The following ATP13A4 variants were observed in gnomAD, a reference collection of about 807,000 sequenced individuals.
The protein encoded by ATP13A4 is probable cation-transporting ATPase 13A4.
Under a neutral mutation model 142.5 loss-of-function variants are expected in ATP13A4, and 114 were observed. That is an observed-to-expected ratio of 0.80 (90% CI 0.69 to 0.93). The LOEUF is 0.93. ATP13A4 is among the 40% of genes least tolerant of loss of function. The pLI, the probability that ATP13A4 is intolerant of heterozygous loss-of-function variation, is 0.00. For missense variants in ATP13A4, 1,392 were observed against 1,454.0 expected (o/e 0.96, Z 0.69); for synonymous variants, 488 against 514.8 (o/e 0.95, Z 0.70).
intron 1 of ATP13A4, among the ~76,000 whole-genome samples, chr3:193,539,471 A>G (rs1722765379): frequency 6.6e-6 from 1 of 152,258 alleles, no homozygotes. Context: ...GGTTTGAGAC[A>G]GGATACATGC....
intron 26 of ATP13A4, 81 bp from the exon 27 acceptor site, chr3:193,412,452 A>C: frequency 7.3e-7 from 1 of 1,361,196 alleles, no homozygotes; most frequent in East Asian, 2.3e-5. Flanking sequence ...ATTCCATACC[A>C]AACAGTGTCC....
rs10540639 is a variant in ATP13A4, at chr3:193,549,417, AAT to A, written c.60+5321_60+5322del. On this transcript the variant is annotated intron_variant, in intron 1 of 29. Coordinates refer to ENST00000342695, the MANE Select transcript of ATP13A4 (RefSeq NM_032279.4). ...TGGTTATGTGACACTATAATTATCA[AAT>A]ATATATATATATATAGAGAGAGAGA... Among the ~76,000 whole-genome samples the A allele has an allele frequency of 7.2e-3, 1,058 of 147,910 alleles. 7 individuals are homozygous for A. Among genetic ancestry groups the A allele is most frequent in the African/African-American group, 0.011 (458 of 40,134 alleles).
intron 10 of ATP13A4, 76 bp downstream of exon 10, chr3:193,467,240 C>T: frequency 6.8e-7 from 1 of 1,461,506 alleles, no homozygotes; most frequent in Non-Finnish European, 9.5e-7. Flanking sequence ...CTTCTCTTTA[C>T]CTAATAAATT....
chr3:193,462,829 C>T lies in ATP13A4; in HGVS notation c.1462-6G>A. 1.2e-6 allele frequency: 2 copies of T among 1,613,626 alleles called. No homozygotes were observed. Among genetic ancestry groups the T allele is most frequent in the Non-Finnish European group, 1.7e-6 (2 of 1,179,634 alleles). On this transcript the variant is annotated splice_polypyrimidine_tract_variant and splice_region_variant and intron_variant, in intron 12 of 29. Transcript: ENST00000342695. ...TCCCTTGTTAAGGTGCCTGTCTAAACAGAAACAAATGCTCCATTTACTCTG... is the reference window on the plus strand; with the variant it reads ...TCCCTTGTTAAGGTGCCTGTCTAAATAGAAACAAATGCTCCATTTACTCTG...
intron 2 of ATP13A4, among the ~76,000 whole-genome samples, chr3:193,510,145 AG>A (rs1223540782): frequency 6.6e-6 from 1 of 152,058 alleles, no homozygotes; most frequent in East Asian, 1.9e-4. Context: ...AGGAGCGGGG[AG>A]GAGAGGAGGT....
chr3:193,476,348 T>C (rs1207402177), intron 8 of ATP13A4, among the ~76,000 whole-genome samples: 5 of 152,044 alleles, frequency 3.3e-5, no homozygotes, highest in African/African-American at 1.2e-4. Flanking sequence ...TCTTCTGTAG[T>C]TTTCTTACCT....
chr3:193,430,140 A>G (rs7611921), intron 25 of ATP13A4, among the ~76,000 whole-genome samples: 111,789 of 151,894 alleles, frequency 0.74, 41,400 homozygotes, highest in Admixed American at 0.77. Flanking sequence ...AGAATTTTCT[A>G]TTCGAAATAA....
chr3:193,471,334 G>T (rs982777400), intron 8 of ATP13A4, among the ~76,000 whole-genome samples: 1 of 152,010 alleles, frequency 6.6e-6, no homozygotes, highest in Non-Finnish European at 1.5e-5. Flanking sequence ...AGCCCAATGC[G>T]GGAGAATCAC....
rs774559852 is a variant in ATP13A4 at position 193,414,747 on chromosome 3, T to C, written c.2846A>G (p.Asn949Ser). 77 of 1,613,882 alleles carry C rather than the reference T, an allele frequency of 4.8e-5. No homozygotes were observed. The East Asian group carries it at 1.7e-3, about 35-fold the overall frequency. ...AITTLIGVTM[N>S]LNGAYPKLVP... is the part of the protein sequence containing the mutation. The stretch of plus-strand genomic sequence containing the variant: ...CAGCTTAGGGTAGGCACCATTCAGA[T>C]TCACTATAAAATAAATTCGAATTTT... Residue 949 changes from asparagine to serine, a missense_variant, in exon 26 of 30, where the codon AAT becomes AGT. By Grantham distance (46) the Asn-to-Ser change is conservative. Transcript: ENST00000342695.
chr3:193,459,592 C>A (rs2108637922), intron 13 of ATP13A4, among the ~76,000 whole-genome samples: 1 of 152,274 alleles, frequency 6.6e-6, no homozygotes, highest in Non-Finnish European at 1.5e-5. Context: ...CAGCCACCAC[C>A]ATGTCAGGCT....
intron 7 of ATP13A4, 73 bp from the exon 8 acceptor site, chr3:193,484,078 C>T (rs1560221706): frequency 1.5e-5 from 20 of 1,317,968 alleles, no homozygotes; most frequent in East Asian, 2.3e-5. Flanking sequence ...AGGTGCTAGG[C>T]TTCTTTAAAG....
At chr3:193,521,725 G>A (rs1280292506) in intron 1 of ATP13A4, among the ~76,000 whole-genome samples, 1 of 152,040 alleles carries the variant, frequency 6.6e-6, no homozygotes, top group African/African-American at 2.4e-5. Context: ...CTCAGGTCAG[G>A]AGATCGAGAC....
chr3:193,556,621 G>A (rs1181468969), upstream of ATP13A4, among the ~76,000 whole-genome samples: 1 of 151,388 alleles, frequency 6.6e-6, no homozygotes, highest in Admixed American at 6.6e-5. Context: ...GGAGTAAAGG[G>A]TTTATGGGGG....
Position 193,484,000 on chromosome 3 carries a change from A to C in ATP13A4, c.744T>G (p.Ser248=). The part of the protein sequence containing the change: ...SLTVYDLREQ[S]VKLHHLVESH... ...ACTCGACGAGATGGTGGAGTTTTACAGATTGCTGAAAAAGAAGGAAAAATG... is the reference window on the plus strand; with the variant it reads ...ACTCGACGAGATGGTGGAGTTTTACCGATTGCTGAAAAAGAAGGAAAAATG... The change falls in exon 8 of 30, where the codon TCT becomes TCG. Residue 248 remains serine (S), a synonymous_variant. Transcript: ENST00000342695. 6.2e-7 allele frequency: 1 copy of C among 1,607,920 alleles called. No homozygotes were observed. Among genetic ancestry groups the C allele is most frequent in the Non-Finnish European group, 8.5e-7 (1 of 1,174,554 alleles).
intron 1 of ATP13A4, among the ~76,000 whole-genome samples, chr3:193,522,011 G>A (rs1721746485): frequency 1.3e-5 from 2 of 152,136 alleles, no homozygotes; most frequent in Non-Finnish European, 2.9e-5. Context: ...GTCAGCAGGT[G>A]GACCTGTCAT....
intron 1 of ATP13A4, among the ~76,000 whole-genome samples, chr3:193,582,672 T>C (rs1264483584): frequency 2.8e-5 from 2 of 71,186 alleles, no homozygotes; most frequent in East Asian, 6.2e-4. Flanking sequence ...ATATGTATAT[T>C]ACATATATAT....
chr3:193,554,946 T>C, upstream of ATP13A4: 1 of 1,588,274 alleles, frequency 6.3e-7, no homozygotes, highest in East Asian at 2.2e-5. Flanking sequence ...GCACACACCT[T>C]CTCTCAACAA....
At chr3:193,471,695 A>ACAC (rs1718634780) in intron 8 of ATP13A4, among the ~76,000 whole-genome samples, 3 of 131,106 alleles carry the variant, frequency 2.3e-5, no homozygotes, top group South Asian at 2.5e-4. Flanking sequence ...CACACACACA[A>ACAC]ACACAAACAC....
intron 25 of ATP13A4, among the ~76,000 whole-genome samples, chr3:193,417,928 C>G (rs1223405806): frequency 6.8e-6 from 1 of 146,558 alleles, no homozygotes. Context: ...CGAGACCATC[C>G]CGGCTAAAAC....
Sources: gnomAD v4.1 joint callset for allele counts (sites outside exome capture counted in the v4.1 genomes callset) on GRCh38, gnomAD v4.1.1 for gene constraint, MANE v1.5 for transcripts, NCBI Gene and HGNC (gene_info 2026-07-23, HGNC 2026-07-21) for gene names.